Variants in DECR1 observed in about 807,000 individuals in gnomAD.
The protein encoded by DECR1 is 2,4-dienoyl-CoA reductase [(3E)-enoyl-CoA-producing], mitochondrial.
In DECR1, 44 loss-of-function variants were observed where a neutral mutation model predicts 38.8. The ratio of observed to expected loss-of-function variants is 1.13; its 90% CI spans 0.89 to 1.46. DECR1 has a LOEUF of 1.46. Among genes scored for constraint, DECR1 ranks in the 40% most tolerant of loss-of-function variants. The pLI, the probability that DECR1 is intolerant of heterozygous loss-of-function variation, is 0.00. For synonymous variants in DECR1, 148 were observed against 135.2 expected (o/e 1.09, Z -0.66); for missense variants, 428 against 405.5 (o/e 1.06, Z -0.48).
At chr8:90,032,586 G>T (rs953215937) in intron 5 of DECR1, among the ~76,000 whole-genome samples, 1 of 152,144 alleles carries the variant, frequency 6.6e-6, no homozygotes, top group Non-Finnish European at 1.5e-5. Context: ...ATCTTTAAGT[G>T]GGGCCATTCT....
chr8:90,021,137 G>C (rs1813149807), intron 5 of DECR1, 81 bp downstream of exon 5: 1 of 1,144,220 alleles, frequency 8.7e-7, no homozygotes, highest in Non-Finnish European at 1.2e-6. Context: ...TACTTTAAAA[G>C]TCAATGAGAC....
At chr8:90,049,358 A>G (rs923581386) in intron 8 of DECR1, among the ~76,000 whole-genome samples, 2 of 152,208 alleles carry the variant, frequency 1.3e-5, no homozygotes, top group African/African-American at 2.4e-5. Flanking sequence ...ATGTGCAAAA[A>G]TCACAAGCAT....
At chr8:90,050,219 C>G (rs1349749693) in intron 8 of DECR1, among the ~76,000 whole-genome samples, 1 of 152,176 alleles carries the variant, frequency 6.6e-6, no homozygotes, top group East Asian at 1.9e-4. Context: ...GCAAAAGAAA[C>G]TACCATCAGA....
chr8:90,012,471 A>G (rs920754735), intron 1 of DECR1, among the ~76,000 whole-genome samples: 1 of 152,052 alleles, frequency 6.6e-6, no homozygotes, highest in Non-Finnish European at 1.5e-5. Context: ...TAGATTTTCT[A>G]TTCTTGGGCT....
At chr8:90,037,801 T>C (rs1224274982) in intron 6 of DECR1, among the ~76,000 whole-genome samples, 1 of 152,172 alleles carries the variant, frequency 6.6e-6, no homozygotes, top group African/African-American at 2.4e-5. Context: ...GTCTTTATTA[T>C]AATGGGGCTT....
intron 6 of DECR1, among the ~76,000 whole-genome samples, chr8:90,041,435 T>C (rs1044279045): frequency 4.6e-5 from 7 of 152,232 alleles, no homozygotes; most frequent in Non-Finnish European, 1.0e-4. Flanking sequence ...AGGTTGCCTG[T>C]GCACTCTGAT....
intron 8 of DECR1, among the ~76,000 whole-genome samples, chr8:90,048,931 A>G (rs977894455): frequency 5.9e-5 from 9 of 152,244 alleles, no homozygotes; most frequent in Admixed American, 2.6e-4. Flanking sequence ...AGAACCAAAG[A>G]CAAAAACCAC....
In DECR1 at chr8:90,001,507, C is replaced by T. The variant is rs1224302282; in HGVS notation, c.15C>T (p.Ala5=). 1 of 1,614,052 alleles carries T rather than the reference C, an allele frequency of 6.2e-7. No individual in the cohort carries two copies. The highest frequency in any genetic ancestry group is 1.1e-5 in the South Asian group (1 of 91,086). The change falls in exon 1 of 10, where the codon GCC becomes GCT. Residue 5 remains alanine, a synonymous_variant. Coordinates refer to ENST00000220764, the MANE Select transcript of DECR1 (RefSeq NM_001359.2). ...GGAGACTCAACATGAAGCTACCGGC[C>T]AGGGTTTTCTTTACTCTGGGGTCCC... The part of the protein sequence containing the change: MKLP[A]RVFFTLGSRL...
At chr8:90,005,186 G>A (rs950395411) in intron 1 of DECR1, 9 of 375,844 alleles carry the variant, frequency 2.4e-5, no homozygotes, top group African/African-American at 4.2e-5. Context: ...TGAAGTATGG[G>A]AACAGAGAGA....
intron 5 of DECR1, among the ~76,000 whole-genome samples, chr8:90,025,236 T>C (rs1289714182): frequency 1.3e-5 from 2 of 152,202 alleles, no homozygotes; most frequent in South Asian, 2.1e-4. Flanking sequence ...AACTTTAAAG[T>C]AGTTTTTTCC....
chr8:90,024,113 A>G (rs962846710), intron 5 of DECR1, among the ~76,000 whole-genome samples: 7 of 152,170 alleles, frequency 4.6e-5, no homozygotes, highest in African/African-American at 1.7e-4. Context: ...AATCCAGTCT[A>G]TCATTGATGG....
intron 5 of DECR1, among the ~76,000 whole-genome samples, chr8:90,021,735 A>G (rs1275635825): frequency 1.3e-5 from 2 of 152,176 alleles, no homozygotes; most frequent in African/African-American, 2.4e-5. Context: ...TTAGAAGACA[A>G]TAAGATCAAC....
rs1814142584 is a variant in DECR1, at chr8:90,053,453, T to C, written c.*1556T>C. Reference sequence around the variant, plus strand: ...TGTTGATATTGTGTTCACACACCAATAATGATGGTTTATCACTCACTCCAT... The same window carrying C: ...TGTTGATATTGTGTTCACACACCAACAATGATGGTTTATCACTCACTCCAT... On this transcript the variant is annotated 3_prime_UTR_variant, in exon 10 of 10. Transcript: ENST00000220764. 6.6e-6 allele frequency among the ~76,000 whole-genome samples: 1 copy of C among 152,160 alleles called. No homozygotes were observed. The highest frequency in any genetic ancestry group is 6.5e-5 in the Admixed American group (1 of 15,276).
At chr8:90,007,255 G>A (rs1008827404) in intron 1 of DECR1, among the ~76,000 whole-genome samples, 1 of 152,160 alleles carries the variant, frequency 6.6e-6, no homozygotes, top group African/African-American at 2.4e-5. Context: ...GAGCTAGGTC[G>A]TGAAGACATA....
At chr8:90,027,575 A>T (rs532296833) in intron 5 of DECR1, among the ~76,000 whole-genome samples, 1 of 151,986 alleles carries the variant, frequency 6.6e-6, no homozygotes, top group Non-Finnish European at 1.5e-5. Context: ...TGCTTGGTAG[A>T]TCTTCCTCCA....
In DECR1 at chr8:90,001,570, G is replaced by A. The variant is rs912542043; in HGVS notation, c.69+9G>A. The A allele has an allele frequency of 6.2e-7, 1 of 1,609,264 alleles. No homozygotes were observed. Among genetic ancestry groups the A allele is most frequent in the Non-Finnish European group, 8.5e-7 (1 of 1,177,438 alleles). On this transcript the variant is annotated intron_variant, in intron 1 of 9. Coordinates refer to ENST00000220764, the MANE Select transcript of DECR1 (RefSeq NM_001359.2). ...GCCTCGCTCCTCGGAGGGTAAGGCG[G>A]CCGGGGGCGCGGGGAGCGAGGACAG...
In DECR1 at chr8:90,019,178, T is replaced by C; in HGVS notation, c.417+6T>C. ...AAGTTGCAGGACATCCTAATGTAAG[T>C]GTAGCAATGATGAAGCCAAAGTGCA... On this transcript the variant is annotated splice_donor_region_variant and intron_variant, in intron 4 of 9. Coordinates refer to ENST00000220764, the MANE Select transcript of DECR1 (RefSeq NM_001359.2). 6.2e-7 allele frequency: 1 copy of C among 1,612,854 alleles called. No individual in the cohort carries two copies. Among genetic ancestry groups the C allele is most frequent in the Non-Finnish European group, 8.5e-7 (1 of 1,178,906 alleles).
chr8:90,007,398 C>T (rs912326871), intron 1 of DECR1, among the ~76,000 whole-genome samples: 22 of 152,052 alleles, frequency 1.4e-4, no homozygotes, highest in African/African-American at 5.3e-4. Context: ...GAATAGGCCC[C>T]CAATGTTTGT....
At chr8:90,003,469 G>A (rs976396900) in intron 1 of DECR1, among the ~76,000 whole-genome samples, 1 of 152,150 alleles carries the variant, frequency 6.6e-6, no homozygotes, top group South Asian at 2.1e-4. Flanking sequence ...GCTCTCAACT[G>A]TTCTCAAGTT....
Sources: allele counts gnomAD v4.1 joint callset (sites outside exome capture counted in the v4.1 genomes callset), GRCh38; gene constraint gnomAD v4.1.1; transcripts MANE v1.5; gene names NCBI Gene and HGNC (gene_info 2026-07-23, HGNC 2026-07-21).